Variants in SH3BP4 observed in about 807,000 individuals in gnomAD.
SH3BP4 encodes the protein SH3 domain binding protein 4.
SH3BP4 carries 33 observed loss-of-function variants against 65.5 expected under a neutral mutation model. The ratio of observed to expected loss-of-function variants is 0.50; its 90% CI spans 0.38 to 0.67. The LOEUF (loss-of-function observed/expected upper bound fraction) is 0.67. Ranked by LOEUF, SH3BP4 falls within the 30% of genes least tolerant of loss-of-function variation. The pLI is 0.00. For synonymous variants in SH3BP4, 552 were observed against 545.5 expected, an observed-to-expected ratio of 1.01 and a Z score of -0.17; for missense variants, 1,134 against 1,261.4, an observed-to-expected ratio of 0.90 and a Z score of 1.53.
At chr2:235,019,156 G>A (rs550874171) in intron 2 of SH3BP4, among the ~76,000 whole-genome samples, 3 of 152,172 alleles carry the variant, frequency 2.0e-5, no homozygotes, top group Non-Finnish European at 4.4e-5. Context: ...GATGCCCTTG[G>A]AGAGACTTAA....
intron 4 of SH3BP4, among the ~76,000 whole-genome samples, chr2:235,047,342 T>C (rs116450894): frequency 0.017 from 2,603 of 152,344 alleles, 83 homozygotes; most frequent in African/African-American, 0.06. Flanking sequence ...TAGGGTTTTC[T>C]TTCAGCCCCC....
rs1695471220 is a variant in SH3BP4, at chr2:235,038,290, ATATATATATT to A, written c.119-2597_119-2588del. Reference sequence around the variant, plus strand: ...TTATATATAATATATATTATATATAATATATATATTATATATATATATTATATATTATATA... The same window carrying A: ...TTATATATAATATATATTATATATAAATATATATATATTATATATTATATA... On this transcript the variant is annotated intron_variant, in intron 3 of 5. Transcript: ENST00000392011. Among the ~76,000 whole-genome samples, 4 of 13,144 alleles carry A rather than the reference ATATATATATT, an allele frequency of 3.0e-4. No individual in the cohort carries two copies. In the African/African-American group the frequency reaches 4.6e-3, roughly 15 times the overall value. 8.6% of individuals were successfully genotyped at this position (13,144 alleles called of 152,430 possible).
intron 1 of SH3BP4, among the ~76,000 whole-genome samples, chr2:234,973,947 T>C (rs947108724): frequency 6.6e-6 from 1 of 152,232 alleles, no homozygotes; most frequent in Middle Eastern, 3.4e-3. Flanking sequence ...GCCTGGATTT[T>C]TGGGGGGCTG....
chr2:234,969,593 A>G (rs1474301051), intron 1 of SH3BP4, among the ~76,000 whole-genome samples: 3 of 152,208 alleles, frequency 2.0e-5, no homozygotes, highest in Admixed American at 1.3e-4. Flanking sequence ...CCTGGCCTGC[A>G]GACTTCCAAG....
chr2:234,983,828 C>A (rs1275800411), intron 1 of SH3BP4, among the ~76,000 whole-genome samples: 1 of 152,216 alleles, frequency 6.6e-6, no homozygotes, highest in Non-Finnish European at 1.5e-5. Flanking sequence ...CAGGAAAGGG[C>A]AGGGCCACAG....
intron 1 of SH3BP4, among the ~76,000 whole-genome samples, chr2:234,971,743 T>C (rs1040562085): frequency 1.1e-4 from 17 of 152,244 alleles, no homozygotes; most frequent in African/African-American, 3.9e-4. Flanking sequence ...TGATGACTCA[T>C]GATGTTGGCC....
At position 235,054,082 on chromosome 2, in the gene SH3BP4, G is replaced by C. The variant is rs533347833; in HGVS notation, c.*266G>C. 1.2e-5 allele frequency: 5 copies of C among 408,618 alleles called. No homozygotes were observed. The highest frequency in any genetic ancestry group is 4.3e-5 in the South Asian group (1 of 23,038). 25.3% of individuals were successfully genotyped at this position (408,618 alleles called of 1,614,324 possible). On this transcript the variant is annotated 3_prime_UTR_variant, in exon 6 of 6. Coordinates refer to ENST00000392011, the MANE Select transcript of SH3BP4 (RefSeq NM_014521.3). ...ATTTAAAATCACTTTTTTAACGAAT[G>C]GGGGGAAGGGATCTATGAGAAAGGT...
At position 235,034,408 on chromosome 2, in the gene SH3BP4, G is replaced by A. The variant is rs1464893623; in HGVS notation, c.-132-463G>A. ...CCTCTGCTGGGCTGTGTTCATTGAT[G>A]GCTGCTTCCCGGGGCCGAGTCACCA... is the stretch of plus-strand genomic sequence containing the variant. On this transcript the variant is annotated intron_variant, in intron 2 of 5. Coordinates refer to ENST00000392011, the MANE Select transcript of SH3BP4 (RefSeq NM_014521.3). The surrounding 1 kb of genome is among the most constrained non-coding windows in gnomAD (Gnocchi z 6.2). Among the ~76,000 whole-genome samples the A allele has an allele frequency of 6.6e-6, 1 of 152,122 alleles. No homozygotes were observed. Among genetic ancestry groups the A allele is most frequent in the Admixed American group, 6.5e-5 (1 of 15,268 alleles).
chr2:235,042,724 C>G lies in SH3BP4; in HGVS notation c.1955C>G (p.Pro652Arg). The G allele has an allele frequency of 6.2e-7, 1 of 1,614,190 alleles. No homozygotes were observed. The highest frequency in any genetic ancestry group is 8.5e-7 in the Non-Finnish European group (1 of 1,180,038). The change falls in exon 4 of 6, where the codon CCG (proline) becomes CGG (arginine). Residue 652 changes from proline (P) to arginine (R), a missense_variant. Transcript: ENST00000392011. This position sits in a 1 kb window ranked among gnomAD's most constrained non-coding sequence, Gnocchi z 7.3. ...TTKYPTFQDR[P>R]VSSLKFGKLL... ...AAGTACCCGACTTTCCAGGACCGCC[C>G]GGTGTCCAGCCTCAAGTTTGGTAAG...
Position 234,983,456 on chromosome 2 carries a change from C to T in SH3BP4, c.-206-11847C>T, listed in dbSNP as rs949095877. On this transcript the variant is annotated intron_variant, in intron 1 of 5. Transcript: ENST00000392011. Reference sequence around the variant, plus strand: ...ATGACAGATACAAGAATGTCAAGAGCGGTGGACGAGACCAGGGGAGGGAGT... The same window carrying T: ...ATGACAGATACAAGAATGTCAAGAGTGGTGGACGAGACCAGGGGAGGGAGT... 2.6e-5 allele frequency among the ~76,000 whole-genome samples: 4 copies of T among 152,250 alleles called. No individual in the cohort carries two copies. In the East Asian group the frequency reaches 5.8e-4, roughly 22 times the overall value.
intron 1 of SH3BP4, among the ~76,000 whole-genome samples, chr2:234,990,254 T>C (rs1036115011): frequency 2.0e-5 from 3 of 152,190 alleles, no homozygotes; most frequent in Non-Finnish European, 4.4e-5. Context: ...CTGGCTCTGA[T>C]GTATGGTGGT....
At chr2:235,029,599 A>G (rs1242563731) in intron 2 of SH3BP4, among the ~76,000 whole-genome samples, 1 of 151,468 alleles carries the variant, frequency 6.6e-6, no homozygotes, top group African/African-American at 2.4e-5. Flanking sequence ...TAGCTAATGT[A>G]TGTTTCCTAA....
At chr2:235,015,952 G>A (rs775403901) in intron 2 of SH3BP4, among the ~76,000 whole-genome samples, 4 of 152,192 alleles carry the variant, frequency 2.6e-5, no homozygotes, top group Non-Finnish European at 5.9e-5. Flanking sequence ...GATGGGCCTC[G>A]TGGGGTCCCC....
At position 235,054,385 on chromosome 2, in the gene SH3BP4, A is replaced by C. The variant is rs1422185215; in HGVS notation, c.*569A>C. The stretch of plus-strand genomic sequence containing the variant: ...GCTTTTCAGTAAACGGGTACAGCTC[A>C]TTCTTTCTGAGAAGGCCCCAGGTCC... On this transcript the variant is annotated 3_prime_UTR_variant, in exon 6 of 6. Transcript: ENST00000392011. 1 of 152,894 alleles carries C rather than the reference A, an allele frequency of 6.5e-6. No homozygotes were observed. Among genetic ancestry groups the C allele is most frequent in the Non-Finnish European group, 1.5e-5 (1 of 68,546 alleles). The allele number at this position is 152,894 out of a possible 1,614,324, so 9.5% of individuals were successfully genotyped here.
intron 1 of SH3BP4, among the ~76,000 whole-genome samples, chr2:234,971,569 T>C (rs1693000855): frequency 6.6e-6 from 1 of 152,224 alleles, no homozygotes; most frequent in African/African-American, 2.4e-5. Flanking sequence ...ACTTCCATAT[T>C]GTTTTCCTTA....
chr2:235,024,952 C>G (rs984972563), intron 2 of SH3BP4, among the ~76,000 whole-genome samples: 3 of 151,972 alleles, frequency 2.0e-5, no homozygotes, highest in Non-Finnish European at 4.4e-5. Context: ...GAATGGGCCT[C>G]TCTGCTTGCT....
intron 1 of SH3BP4, among the ~76,000 whole-genome samples, chr2:234,992,668 G>A (rs148047294): frequency 0.02 from 2,826 of 139,744 alleles, 84 homozygotes; most frequent in South Asian, 0.044. Context: ...GCGTGGCTCT[G>A]GGTCTGGAGA....
intron 1 of SH3BP4, among the ~76,000 whole-genome samples, chr2:234,969,898 C>T (rs1271473569): frequency 6.6e-6 from 1 of 150,638 alleles, no homozygotes; most frequent in East Asian, 1.9e-4. Flanking sequence ...CTCTCACACA[C>T]ACACTTACAC....
intron 1 of SH3BP4, among the ~76,000 whole-genome samples, chr2:234,975,438 G>A (rs938583376): frequency 2.0e-5 from 3 of 152,164 alleles, no homozygotes; most frequent in Non-Finnish European, 4.4e-5. Context: ...GAGTCCCATC[G>A]TCTAATGTGG....
Sources: gnomAD v4.1 joint callset for allele counts (sites outside exome capture counted in the v4.1 genomes callset) on GRCh38, gnomAD v4.1.1 for gene constraint, Gnocchi (gnomAD v3.1) non-coding constraint, MANE v1.5 for transcripts, NCBI Gene and HGNC (gene_info 2026-07-23, HGNC 2026-07-21) for gene names.